The following FAF1 variants were observed in gnomAD, a reference collection of about 807,000 sequenced individuals.
FAF1 encodes Fas associated factor 1.
A neutral mutation model predicts 92.5 loss-of-function variants in FAF1; 25 were observed. That is an observed-to-expected ratio of 0.27 (90% CI 0.20 to 0.38). FAF1 has a LOEUF of 0.38. Ranked by LOEUF, FAF1 falls within the 10% of genes least tolerant of loss-of-function variation. The pLI is 1.00. For synonymous variants in FAF1, 234 were observed against 273.2 expected (o/e 0.86, Z 1.42); for missense variants, 636 against 793.3 (o/e 0.80, Z 2.38).
chr1:50,587,436 G>A (rs1288371510), intron 9 of FAF1, among the ~76,000 whole-genome samples: 2 of 152,030 alleles, frequency 1.3e-5, no homozygotes, highest in Admixed American at 6.6e-5. Context: ...TTATGTATAA[G>A]GAACTCCCAG....
chr1:50,635,682 C>G (rs1158629494), intron 8 of FAF1, among the ~76,000 whole-genome samples: 1 of 152,208 alleles, frequency 6.6e-6, no homozygotes, highest in East Asian at 1.9e-4. Context: ...AACCGCTAAG[C>G]TCAAGCAAAC....
intron 8 of FAF1, among the ~76,000 whole-genome samples, chr1:50,603,473 C>T (rs1174426362): frequency 2.6e-4 from 40 of 152,136 alleles, no homozygotes; most frequent in Admixed American, 2.6e-3. Flanking sequence ...TAGAATACCC[C>T]TTTTAAATTT....
intron 18 of FAF1, among the ~76,000 whole-genome samples, chr1:50,468,348 A>G (rs1215407187): frequency 1.3e-5 from 2 of 150,680 alleles, no homozygotes; most frequent in Admixed American, 6.6e-5. Context: ...GCTAGAGTCC[A>G]GTGGTAGGAT....
chr1:50,559,708 G>A (rs1415940086), intron 13 of FAF1, among the ~76,000 whole-genome samples: 2 of 152,120 alleles, frequency 1.3e-5, no homozygotes, highest in Non-Finnish European at 2.9e-5. Context: ...AAAATGAGTG[G>A]GTAGGATGTA....
chr1:50,490,691 A>C, intron 16 of FAF1, 26 bp from the exon 17 acceptor site: 1 of 1,320,186 alleles, frequency 7.6e-7, no homozygotes, highest in Non-Finnish European at 1.1e-6. Context: ...AAAAGGAACA[A>C]GCACTTAACA....
chr1:50,512,340 C>T (rs1361303900), intron 15 of FAF1, among the ~76,000 whole-genome samples: 1 of 152,094 alleles, frequency 6.6e-6, no homozygotes, highest in Non-Finnish European at 1.5e-5. Flanking sequence ...ATGGTATTGC[C>T]TAGGTTTTCT....
intron 2 of FAF1, among the ~76,000 whole-genome samples, chr1:50,856,370 G>A (rs995566009): frequency 5.3e-5 from 8 of 151,736 alleles, no homozygotes; most frequent in Admixed American, 1.3e-4. Context: ...TGGGAGCATC[G>A]TTTCGATTAA....
At position 50,925,462 on chromosome 1, in the gene FAF1, C is replaced by CAA. The variant is rs113312279; in HGVS notation, c.45+34303_45+34304dup. On this transcript the variant is annotated intron_variant, in intron 1 of 18. Coordinates refer to ENST00000396153, the MANE Select transcript of FAF1 (RefSeq NM_007051.3). ...TATACAAGGAATTCAAACTTAGCAC[C>CAA]AAAAAAAAAAAAATCCCACTACTAC... 2.7e-3 allele frequency among the ~76,000 whole-genome samples: 382 copies of CAA among 141,562 alleles called. 2 individuals carry two copies. Among genetic ancestry groups the CAA allele is most frequent in the African/African-American group, 9.2e-3 (360 of 38,938 alleles). The allele number at this position is 141,562 out of a possible 152,430, so 92.9% of individuals were successfully genotyped here.
Position 50,959,845 on chromosome 1 carries a change from A to C in FAF1, c.-34T>G, listed in dbSNP as rs1373486424. ...CCGAGTTCCGCGGCTCCGGGAGCGA[A>C]GCGCGCACCTGGGAGGCAGACGGCA... On this transcript the variant is annotated 5_prime_UTR_variant, in exon 1 of 19. Coordinates refer to ENST00000396153, the MANE Select transcript of FAF1 (RefSeq NM_007051.3). 6.6e-7 allele frequency: 1 copy of C among 1,523,306 alleles called. No individual in the cohort carries two copies. The highest frequency in any genetic ancestry group is 1.2e-5 in the South Asian group (1 of 83,554). The allele number at this position is 1,523,306 out of a possible 1,614,324, so 94.4% of individuals were successfully genotyped here.
intron 1 of FAF1, among the ~76,000 whole-genome samples, chr1:50,944,156 T>C (rs185687626): frequency 2.4e-4 from 36 of 152,244 alleles, no homozygotes; most frequent in African/African-American, 7.9e-4. Context: ...GCATGGAAGG[T>C]ACATGACCTG....
At chr1:50,823,908 G>T (rs1644068739) in intron 2 of FAF1, among the ~76,000 whole-genome samples, 1 of 152,072 alleles carries the variant, frequency 6.6e-6, no homozygotes, top group Non-Finnish European at 1.5e-5. Context: ...AATAGCAAAT[G>T]ATTACTTGTG....
At chr1:50,591,214 G>A (rs894347954) in intron 9 of FAF1, among the ~76,000 whole-genome samples, 7 of 152,130 alleles carry the variant, frequency 4.6e-5, no homozygotes, top group African/African-American at 1.7e-4. Context: ...TAAATGTGCT[G>A]TATTACATTG....
At chr1:50,828,243 G>GA (rs1167902414) in intron 2 of FAF1, among the ~76,000 whole-genome samples, 2 of 148,776 alleles carry the variant, frequency 1.3e-5, no homozygotes, top group Non-Finnish European at 3.0e-5. Context: ...GAGAAGTAGG[G>GA]AAAAAAGGGT....
intron 2 of FAF1, among the ~76,000 whole-genome samples, chr1:50,848,478 A>T (rs1644321314): frequency 6.6e-6 from 1 of 152,248 alleles, no homozygotes; most frequent in African/African-American, 2.4e-5. Context: ...ATTCATTGGC[A>T]AAAGTTTAAT....
At position 50,546,201 on chromosome 1, in the gene FAF1, A is replaced by C. The variant is rs576982286; in HGVS notation, c.1269-6473T>G. Among the ~76,000 whole-genome samples the C allele has an allele frequency of 1.8e-3, 279 of 152,238 alleles. 2 individuals are homozygous for C. Among genetic ancestry groups the C allele is most frequent in the Non-Finnish European group, 3.0e-3 (202 of 67,988 alleles). Reference sequence around the variant, plus strand: ...AATCTTGGTTAAATAAAATTATAGTATATTATGGAATTTAAAGAGATACTA... The same window carrying C: ...AATCTTGGTTAAATAAAATTATAGTCTATTATGGAATTTAAAGAGATACTA... On this transcript the variant is annotated intron_variant, in intron 13 of 18. Transcript: ENST00000396153.
chr1:50,743,397 G>A (rs956865048), intron 5 of FAF1, among the ~76,000 whole-genome samples: 29 of 151,918 alleles, frequency 1.9e-4, no homozygotes, highest in African/African-American at 4.1e-4. Context: ...GCACGATCTC[G>A]GCTCATGGCA....
chr1:50,505,816 T>G (rs1008201985), intron 15 of FAF1, among the ~76,000 whole-genome samples: 9 of 152,196 alleles, frequency 5.9e-5, no homozygotes, highest in Non-Finnish European at 8.8e-5. Flanking sequence ...ATATAAATGT[T>G]GGTTTCAGCC....
intron 12 of FAF1, among the ~76,000 whole-genome samples, chr1:50,575,703 TGAC>T (rs1407772449): frequency 6.6e-6 from 1 of 152,238 alleles, no homozygotes; most frequent in African/African-American, 2.4e-5. Context: ...GACATTGTCC[TGAC>T]TTTAAGGAAT....
At chr1:50,649,900 G>A (rs1654780330) in intron 8 of FAF1, among the ~76,000 whole-genome samples, 1 of 152,052 alleles carries the variant, frequency 6.6e-6, no homozygotes, top group Non-Finnish European at 1.5e-5. Flanking sequence ...GGGAGGTGGA[G>A]GTTGCAGTGA....
Sources: allele counts gnomAD v4.1 joint callset (sites outside exome capture counted in the v4.1 genomes callset), GRCh38; gene constraint gnomAD v4.1.1; transcripts MANE v1.5; gene names NCBI Gene and HGNC (gene_info 2026-07-23, HGNC 2026-07-21).